Variants in KIAA1328 observed in about 807,000 individuals in gnomAD.
KIAA1328 encodes KIAA1328, also known as protein hinderin.
KIAA1328 carries 52 observed loss-of-function variants against 68.1 expected under a neutral mutation model. The observed-to-expected ratio is 0.76, with a 90% CI of 0.61 to 0.96. KIAA1328 has a LOEUF of 0.96. KIAA1328 is among the 40% of genes least tolerant of loss of function. KIAA1328 has a pLI of 0.00. For synonymous variants in KIAA1328, 232 were observed against 239.4 expected, an observed-to-expected ratio of 0.97 and a Z score of 0.28; for missense variants, 641 against 677.6, an observed-to-expected ratio of 0.95 and a Z score of 0.60.
intron 2 of KIAA1328, 117 bp from the exon 3 acceptor site, chr18:36,835,117 A>T: frequency 1.4e-6 from 1 of 702,128 alleles, no homozygotes; most frequent in Non-Finnish European, 2.3e-6. Flanking sequence ...TTTATAAAGT[A>T]AGAGAGTTTC....
chr18:37,072,106 T>C (rs574341149), intron 7 of KIAA1328, among the ~76,000 whole-genome samples: 1 of 152,300 alleles, frequency 6.6e-6, no homozygotes, highest in South Asian at 2.1e-4. Flanking sequence ...TTTCTATTTT[T>C]TTCTATTGTT....
chr18:37,075,242 A>C (rs2151766825), intron 7 of KIAA1328: 1 of 152,162 alleles, frequency 6.6e-6, no homozygotes, highest in East Asian at 1.9e-4. Context: ...AAGCTTCATA[A>C]GTGAAGGAGA....
At chr18:37,037,856 C>A (rs570903096) in intron 6 of KIAA1328, among the ~76,000 whole-genome samples, 22 of 152,280 alleles carry the variant, frequency 1.4e-4, no homozygotes, top group Admixed American at 7.8e-4. Context: ...AATCCCAGCA[C>A]TTTGGGAGGC....
chr18:37,217,441 G>A (rs1019196676), intron 9 of KIAA1328, among the ~76,000 whole-genome samples: 6 of 152,150 alleles, frequency 3.9e-5, no homozygotes, highest in African/African-American at 1.4e-4. Flanking sequence ...TAGTTTGGCT[G>A]GATATGAAAT....
Position 36,835,271 on chromosome 18 carries a change from G to C in KIAA1328, c.132G>C (p.Lys44Asn). 1 of 1,613,504 alleles carries C rather than the reference G, an allele frequency of 6.2e-7. No homozygotes were observed. Among genetic ancestry groups the C allele is most frequent in the African/African-American group, 1.3e-5 (1 of 75,018 alleles). ...AAGGAAATGTCAGATCAAGACACAA[G>C]CTGATGAGTCCAAAAGCTGATGTTA... ...SAEGNVRSRH[K>N]LMSPKADVKL... Residue 44 changes from lysine to asparagine, a missense_variant, in exon 3 of 10, where the codon AAG becomes AAC. Coordinates refer to ENST00000280020, the MANE Select transcript of KIAA1328 (RefSeq NM_020776.3).
chr18:37,187,847 T>C (rs762035601), intron 9 of KIAA1328, among the ~76,000 whole-genome samples: 2 of 152,164 alleles, frequency 1.3e-5, no homozygotes, highest in African/African-American at 2.4e-5. Context: ...CTGGAAGATG[T>C]CTACCTTACA....
chr18:37,122,754 G>A (rs559805355), intron 7 of KIAA1328, among the ~76,000 whole-genome samples: 49 of 152,140 alleles, frequency 3.2e-4, no homozygotes, highest in Non-Finnish European at 2.4e-4. Flanking sequence ...ACTATAGTAC[G>A]GGAGGTGAGG....
intron 6 of KIAA1328, among the ~76,000 whole-genome samples, chr18:37,020,910 C>T (rs2054323297): frequency 1.3e-5 from 2 of 152,192 alleles, no homozygotes; most frequent in South Asian, 2.1e-4. Context: ...TTCTGCCCTT[C>T]TTACCCCCAC....
At chr18:36,831,286 C>T (rs1600895384) in intron 1 of KIAA1328, among the ~76,000 whole-genome samples, 2 of 152,214 alleles carry the variant, frequency 1.3e-5, no homozygotes, top group South Asian at 2.1e-4. Context: ...GACAGATCAT[C>T]TGTGACTCAA....
At chr18:36,929,689 A>G (rs189840693) in intron 5 of KIAA1328, among the ~76,000 whole-genome samples, 1 of 152,042 alleles carries the variant, frequency 6.6e-6, no homozygotes, top group Non-Finnish European at 1.5e-5. Context: ...TAGTGTCCTT[A>G]TAAAAGAGGC....
chr18:37,082,272 A>G (rs1409376399), intron 7 of KIAA1328, among the ~76,000 whole-genome samples: 1 of 149,366 alleles, frequency 6.7e-6, no homozygotes, highest in East Asian at 2.0e-4. Flanking sequence ...CCTGGGTTCA[A>G]GCGATTCTCC....
intron 5 of KIAA1328, among the ~76,000 whole-genome samples, chr18:36,903,888 A>G (rs1274013674): frequency 6.6e-6 from 1 of 152,144 alleles, no homozygotes; most frequent in Non-Finnish European, 1.5e-5. Context: ...CAATGTCAGC[A>G]TCACCAACAA....
At chr18:36,993,352 T>G (rs2053265594) in intron 6 of KIAA1328, among the ~76,000 whole-genome samples, 1 of 152,176 alleles carries the variant, frequency 6.6e-6, no homozygotes, top group East Asian at 1.9e-4. Context: ...TATTTATATA[T>G]TTTATGTTTG....
At chr18:37,030,840 AC>A (rs2054795534) in intron 6 of KIAA1328, among the ~76,000 whole-genome samples, 1 of 139,758 alleles carries the variant, frequency 7.2e-6, no homozygotes. Flanking sequence ...CTATGCCCCC[AC>A]CCCCCGACAG....
chr18:37,188,138 T>C (rs908329084), intron 9 of KIAA1328, among the ~76,000 whole-genome samples: 1 of 152,236 alleles, frequency 6.6e-6, no homozygotes, highest in Non-Finnish European at 1.5e-5. Context: ...TCTCCATTAA[T>C]GAAGTGATGC....
At chr18:37,042,537 A>AT (rs1027977440) in intron 6 of KIAA1328, among the ~76,000 whole-genome samples, 3 of 151,922 alleles carry the variant, frequency 2.0e-5, no homozygotes, top group East Asian at 1.9e-4. Context: ...TTGACAGTTT[A>AT]TTTTTTTCAA....
intron 7 of KIAA1328, among the ~76,000 whole-genome samples, chr18:37,137,240 T>C (rs558454226): frequency 2.0e-5 from 3 of 152,098 alleles, no homozygotes; most frequent in Non-Finnish European, 2.9e-5. Context: ...TCCCCAGAGA[T>C]CTCAAATCCA....
intron 7 of KIAA1328, among the ~76,000 whole-genome samples, chr18:37,089,499 C>T (rs323323): frequency 0.27 from 40,248 of 151,266 alleles, 8,433 homozygotes; most frequent in African/African-American, 0.59. Context: ...TTTGGCCTCC[C>T]GAGTAGCTGG....
At chr18:36,928,656 G>C (rs569815858) in intron 5 of KIAA1328, among the ~76,000 whole-genome samples, 1 of 152,204 alleles carries the variant, frequency 6.6e-6, no homozygotes, top group East Asian at 1.9e-4. Context: ...TCTAACTATG[G>C]TATGTATAGG....
Sources: allele counts gnomAD v4.1 joint callset (sites outside exome capture counted in the v4.1 genomes callset), GRCh38; gene constraint gnomAD v4.1.1; transcripts MANE v1.5; gene names NCBI Gene and HGNC (gene_info 2026-07-23, HGNC 2026-07-21).